Variants in PCCB observed in about 807,000 individuals in gnomAD.
The protein encoded by PCCB is propionyl-CoA carboxylase subunit beta.
In PCCB, 43 loss-of-function variants were observed where a neutral mutation model predicts 60.7. The observed-to-expected ratio is 0.71, with a 90% confidence interval of 0.55 to 0.91. The LOEUF (loss-of-function observed/expected upper bound fraction) is 0.91, where lower values mean the gene tolerates loss of function less well. Among genes scored for constraint, PCCB ranks in the 40% least tolerant of loss-of-function variants. The pLI, the probability that PCCB is intolerant of heterozygous loss-of-function variation, is 0.00. For synonymous variants in PCCB, 276 were observed against 255.9 expected, an observed-to-expected ratio of 1.08 and a Z score of -0.75; for missense variants, 766 against 702.8, an observed-to-expected ratio of 1.09 and a Z score of -1.02.
At chr3:136,311,322 A>AT (rs1377660402) in intron 9 of PCCB, among the ~76,000 whole-genome samples, 2 of 152,108 alleles carry the variant, frequency 1.3e-5, no homozygotes, top group Admixed American at 1.3e-4. Context: ...TTTAGTAATA[A>AT]TTTTAACAGG....
At chr3:136,268,087 G>GATATATATATATATAT (rs61160895) in intron 5 of PCCB, among the ~76,000 whole-genome samples, 50 of 93,758 alleles carry the variant, frequency 5.3e-4, no homozygotes, top group Admixed American at 8.4e-4. Context: ...TGTGTGTGTA[G>GATATATATATATATAT]ATATATATAT....
intron 6 of PCCB, among the ~76,000 whole-genome samples, chr3:136,291,109 A>G (rs1051103556): frequency 6.6e-6 from 1 of 151,074 alleles, no homozygotes. Flanking sequence ...CTTGCTGTCT[A>G]CTCTATCCAT....
At chr3:136,265,944 G>C (rs1255317343) in intron 5 of PCCB, among the ~76,000 whole-genome samples, 1 of 151,632 alleles carries the variant, frequency 6.6e-6, no homozygotes, top group Non-Finnish European at 1.5e-5. Context: ...TCCTGCCTGA[G>C]CCTCCCGAGT....
chr3:136,317,219 T>A (rs1301678374), intron 10 of PCCB, among the ~76,000 whole-genome samples, 155 bp downstream of exon 10: 1 of 84,922 alleles, frequency 1.2e-5, no homozygotes, highest in Non-Finnish European at 3.1e-5. Context: ...CTAATTTTTT[T>A]TTTTTTTTTT....
At chr3:136,288,752 G>T (rs1255813430) in intron 6 of PCCB, among the ~76,000 whole-genome samples, 1 of 152,120 alleles carries the variant, frequency 6.6e-6, no homozygotes, top group Admixed American at 6.6e-5. Flanking sequence ...TGATCCTCCT[G>T]TGTAGCTGGG....
rs923951408 is a variant in PCCB at position 136,326,929 on chromosome 3, G to A, written c.1198+19G>A. 3.3e-6 allele frequency: 5 copies of A among 1,502,100 alleles called. No homozygotes were observed. The highest frequency in any genetic ancestry group is 4.6e-6 in the Non-Finnish European group (5 of 1,078,070). The allele number at this position is 1,502,100 out of a possible 1,614,324, so 93.0% of individuals were successfully genotyped here. On this transcript the variant is annotated intron_variant, in intron 11 of 14. Coordinates refer to ENST00000251654, the MANE Select transcript of PCCB (RefSeq NM_000532.5). ...CTACCTGGTAAGTTTTTGACAGAGTGGGGGCTAGGAGAGTTGCCTTTCCCA... is the reference window on the plus strand; with the variant it reads ...CTACCTGGTAAGTTTTTGACAGAGTAGGGGCTAGGAGAGTTGCCTTTCCCA...
At position 136,318,430 on chromosome 3, in the gene PCCB, C is replaced by T. The variant is rs550489935; in HGVS notation, c.1090+1366C>T. 3.9e-5 allele frequency among the ~76,000 whole-genome samples: 6 copies of T among 152,306 alleles called. No individual in the cohort carries two copies. In the South Asian group the frequency reaches 6.2e-4, roughly 16 times the overall value. ...GTAAAATATATATAACAAAATATGT[C>T]TGTTTGGCCCATTTAAAGTAGTGCA... is the stretch of plus-strand genomic sequence containing the variant. On this transcript the variant is annotated intron_variant, in intron 10 of 14. Transcript: ENST00000251654.
At chr3:136,287,296 C>T (rs1933462526) in intron 6 of PCCB, among the ~76,000 whole-genome samples, 1 of 152,028 alleles carries the variant, frequency 6.6e-6, no homozygotes, top group Admixed American at 6.6e-5. Flanking sequence ...ATATAATATG[C>T]TTTCTTGTGT....
chr3:136,250,418 A>G lies in PCCB; in HGVS notation c.43A>G (p.Ser15Gly), dbSNP rs1941477368. 1.3e-6 allele frequency: 2 copies of G among 1,584,620 alleles called. No homozygotes were observed. Among genetic ancestry groups the G allele is most frequent in the South Asian group, 1.1e-5 (1 of 87,570 alleles). ...LRVAAVGARLSVLASGLRAAV... is the reference protein window; with the variant it reads ...LRVAAVGARLGVLASGLRAAV... ...GGTGGCGGCGGTCGGGGCAAGGCTC[A>G]GCGTTCTGGCGAGCGGTCTCCGCGC... is the stretch of plus-strand genomic sequence containing the variant. Residue 15 changes from serine (S) to glycine (G), a missense_variant, in exon 1 of 15, where the codon AGC becomes GGC. By Grantham distance (56) the Ser-to-Gly change is moderately conservative. Transcript: ENST00000251654.
chr3:136,328,896 G>A, intron 14 of PCCB, 39 bp downstream of exon 14: 1 of 1,467,118 alleles, frequency 6.8e-7, no homozygotes, highest in Admixed American at 1.7e-5. Flanking sequence ...TTGTTTGTTT[G>A]GTCAACTTGC....
In PCCB at chr3:136,329,933, T is replaced by C; in HGVS notation, c.1527T>C (p.Ser509=). 1 of 1,614,174 alleles carries C rather than the reference T, an allele frequency of 6.2e-7. No homozygotes were observed. The highest frequency in any genetic ancestry group is 8.5e-7 in the Non-Finnish European group (1 of 1,180,014). ...TTGTGGATGACATCATCCAACCTTC[T>C]TCCACACGTGCCCGAATCTGCTGTG... The part of the protein sequence containing the change: ...RGFVDDIIQP[S]STRARICCDL... Residue 509 remains serine (S), a synonymous_variant, in exon 15 of 15, where the codon TCT becomes TCC. Transcript: ENST00000251654.
intron 3 of PCCB, chr3:136,260,212 TC>T (rs1941783709): frequency 2.0e-6 from 1 of 502,640 alleles, no homozygotes; most frequent in South Asian, 2.0e-5. Context: ...TAGCTGGGAT[TC>T]CAGGCATGTG....
intron 3 of PCCB, among the ~76,000 whole-genome samples, chr3:136,258,206 T>G (rs969296769): frequency 6.6e-6 from 1 of 152,204 alleles, no homozygotes; most frequent in Non-Finnish European, 1.5e-5. Context: ...AAGAATTCAC[T>G]GAATTGATAC....
intron 5 of PCCB, among the ~76,000 whole-genome samples, chr3:136,263,254 G>GGTT (rs372863955): frequency 7.9e-6 from 1 of 125,940 alleles, no homozygotes; most frequent in South Asian, 2.7e-4. Flanking sequence ...CGCCCAGCTG[G>GGTT]TTTTTTTTTT....
chr3:136,294,717 C>T (rs1933857035), intron 7 of PCCB, among the ~76,000 whole-genome samples: 1 of 152,142 alleles, frequency 6.6e-6, no homozygotes, highest in African/African-American at 2.4e-5. Flanking sequence ...TCAAGTAATT[C>T]TTCTGCCTCA....
In PCCB at chr3:136,327,677, G is replaced by T; in HGVS notation, c.1343G>T (p.Cys448Phe). The T allele has an allele frequency of 6.2e-7, 1 of 1,614,104 alleles. No individual in the cohort carries two copies. The highest frequency in any genetic ancestry group is 8.5e-7 in the Non-Finnish European group (1 of 1,179,998). ...GATGTCATGAGCTCTAAGCACCTTTGTGGTGATACCAACTATGCCTGGCCC... is the reference window on the plus strand; with the variant it reads ...GATGTCATGAGCTCTAAGCACCTTTTTGGTGATACCAACTATGCCTGGCCC... ...AYDVMSSKHL[C>F]GDTNYAWPTA... The change falls in exon 13 of 15, where the codon TGT (cysteine) becomes TTT (phenylalanine). Residue 448 changes from cysteine to phenylalanine, a missense_variant. Cys to Phe is a radical substitution (Grantham distance 205, BLOSUM62 -2). Transcript: ENST00000251654.
intron 10 of PCCB, chr3:136,326,345 T>C: frequency 1.4e-6 from 1 of 702,910 alleles, no homozygotes; most frequent in South Asian, 1.5e-5. Flanking sequence ...CCTTTACTCC[T>C]TGGAACTATG....
At chr3:136,292,921 A>G (rs1000173065) in intron 6 of PCCB, among the ~76,000 whole-genome samples, 42 of 152,196 alleles carry the variant, frequency 2.8e-4, no homozygotes, top group African/African-American at 8.9e-4. Flanking sequence ...CCTCTGTTTA[A>G]ATTTTATGCA....
rs149369413 is a variant in PCCB at position 136,320,971 on chromosome 3, C to A, written c.1090+3907C>A. 1.8e-3 allele frequency among the ~76,000 whole-genome samples: 277 copies of A among 152,208 alleles called. 1 individual carries two copies. The highest frequency in any genetic ancestry group is 5.7e-3 in the African/African-American group (235 of 41,532). On this transcript the variant is annotated intron_variant, in intron 10 of 14. Transcript: ENST00000251654. ...TAGCTGTGGGTTTTTCATGAATGCC[C>A]TTTATAATATGGAGGAAGTTTCCAT...
Sources: gnomAD v4.1 joint callset for allele counts (sites outside exome capture counted in the v4.1 genomes callset) on GRCh38, gnomAD v4.1.1 for gene constraint, MANE v1.5 for transcripts, NCBI Gene and HGNC (gene_info 2026-07-23, HGNC 2026-07-21) for gene names.